Variants in MAPKAP1 observed in about 807,000 individuals in gnomAD.
MAPKAP1 encodes MAPK associated protein 1.
MAPKAP1 carries 20 observed loss-of-function variants against 65.7 expected under a neutral mutation model. The ratio of observed to expected loss-of-function variants is 0.30; its 90% CI spans 0.21 to 0.44. The LOEUF is 0.44. Among genes scored for constraint, MAPKAP1 ranks in the 20% least tolerant of loss-of-function variants. MAPKAP1 has a pLI of 1.00. For synonymous variants in MAPKAP1, 222 were observed against 244.3 expected (o/e 0.91, Z 0.85); for missense variants, 423 against 648.0 (o/e 0.65, Z 3.77).
Position 125,672,129 on chromosome 9 carries a change from A to G in MAPKAP1, c.259+187T>C, listed in dbSNP as rs879018507. On this transcript the variant is annotated intron_variant, in intron 2 of 11. Coordinates refer to ENST00000265960, the MANE Select transcript of MAPKAP1 (RefSeq NM_001006617.3). ...CTGTCTACTTCTAATAATATTCTAG[A>G]GGCCCTCTCCATTCGCAGTCGCAGA... Among the ~76,000 whole-genome samples the G allele has an allele frequency of 2.6e-5, 4 of 152,196 alleles. No homozygotes were observed. In the South Asian group the frequency reaches 8.3e-4, roughly 32 times the overall value.
intron 7 of MAPKAP1, among the ~76,000 whole-genome samples, chr9:125,525,450 G>T (rs754118804): frequency 5.3e-5 from 8 of 152,074 alleles, no homozygotes; most frequent in Non-Finnish European, 1.0e-4. Context: ...GAGGTGGGCA[G>T]ATCACCTGAG....
intron 9 of MAPKAP1, among the ~76,000 whole-genome samples, chr9:125,479,411 CTCT>C (rs1854224667): frequency 6.6e-6 from 1 of 152,120 alleles, no homozygotes; most frequent in African/African-American, 2.4e-5. Flanking sequence ...GAAACCCCGT[CTCT>C]ACTAAAAACA....
At chr9:125,629,780 A>T (rs539616329) in intron 4 of MAPKAP1, among the ~76,000 whole-genome samples, 1 of 152,292 alleles carries the variant, frequency 6.6e-6, no homozygotes, top group Admixed American at 6.5e-5. Flanking sequence ...TAACTGAAAA[A>T]TAAAAAAGAA....
Position 125,554,860 on chromosome 9 carries a change from G to C in MAPKAP1, c.848+4773C>G, listed in dbSNP as rs138455848. Among the ~76,000 whole-genome samples the C allele has an allele frequency of 2.2e-4, 33 of 151,088 alleles. 1 individual carries two copies. Among genetic ancestry groups the C allele is most frequent in the Middle Eastern group, 3.5e-3 (1 of 284 alleles). ...ACATTTAAAATTTATGTGTTTGTGTGGGGGGACACATTATAAATCAATTGG... is the reference window on the plus strand; with the variant it reads ...ACATTTAAAATTTATGTGTTTGTGTCGGGGGACACATTATAAATCAATTGG... On this transcript the variant is annotated intron_variant, in intron 6 of 11. Transcript: ENST00000265960.
intron 8 of MAPKAP1, 34 bp from the exon 9 acceptor site, chr9:125,484,617 T>C (rs1854431870): frequency 1.9e-6 from 3 of 1,576,248 alleles, no homozygotes; most frequent in African/African-American, 1.3e-5. Flanking sequence ...CACATAAAGA[T>C]ACATGAGGCT....
chr9:125,565,674 C>T (rs760673670), intron 5 of MAPKAP1: 1 of 405,470 alleles, frequency 2.5e-6, no homozygotes, highest in Non-Finnish European at 4.8e-6. Context: ...CAAAACCCCT[C>T]AGGAAAGTGA....
intron 1 of MAPKAP1, among the ~76,000 whole-genome samples, chr9:125,704,657 G>C (rs1835705094): frequency 6.6e-6 from 1 of 152,134 alleles, no homozygotes; most frequent in Non-Finnish European, 1.5e-5. Context: ...TCCCTTGCCT[G>C]GTACTCAAGC....
chr9:125,485,633 G>C (rs1010029044), intron 8 of MAPKAP1, among the ~76,000 whole-genome samples: 17 of 152,106 alleles, frequency 1.1e-4, no homozygotes, highest in African/African-American at 4.1e-4. Context: ...CCTTGGCCTA[G>C]AACAACCCTC....
At chr9:125,693,442 TAC>T (rs1321301850) in intron 1 of MAPKAP1, among the ~76,000 whole-genome samples, 2,004 of 141,386 alleles carry the variant, frequency 0.014, 41 homozygotes, top group African/African-American at 0.043. Context: ...TATATATATA[TAC>T]ACACACACAC....
intron 7 of MAPKAP1, among the ~76,000 whole-genome samples, chr9:125,529,504 A>G (rs1236368900): frequency 2.2e-3 from 8 of 3,666 alleles, no homozygotes; most frequent in African/African-American, 2.4e-3. Flanking sequence ...GTAGTGTGCC[A>G]AAAAAAAAAA....
chr9:125,475,945 C>T (rs114842757), intron 9 of MAPKAP1, among the ~76,000 whole-genome samples: 2,494 of 152,268 alleles, frequency 0.016, 44 homozygotes, highest in African/African-American at 0.038. Context: ...TCTGGATGAA[C>T]GCTCATGAAT....
chr9:125,448,825 T>C (rs1852820276), intron 10 of MAPKAP1, among the ~76,000 whole-genome samples: 1 of 152,070 alleles, frequency 6.6e-6, no homozygotes, highest in Admixed American at 6.5e-5. Context: ...GCCAACACTG[T>C]GAAACCCTGT....
At chr9:125,508,944 A>G (rs1829222307) in intron 7 of MAPKAP1, among the ~76,000 whole-genome samples, 1 of 152,216 alleles carries the variant, frequency 6.6e-6, no homozygotes, top group African/African-American at 2.4e-5. Flanking sequence ...GTGATGCTAC[A>G]AAAATATTTA....
intron 1 of MAPKAP1, among the ~76,000 whole-genome samples, chr9:125,699,213 T>G (rs1835523874): frequency 6.6e-6 from 1 of 152,152 alleles, no homozygotes. Context: ...ATACTAACTT[T>G]TTTTTTCTTT....
chr9:125,616,730 A>G lies in MAPKAP1; in HGVS notation c.499-31003T>C, dbSNP rs115552760. ...CTGACGCACTGCTGGAGGGGCACACATGGGAATAACCACTTTGTAAGACAG... is the reference window on the plus strand; with the variant it reads ...CTGACGCACTGCTGGAGGGGCACACGTGGGAATAACCACTTTGTAAGACAG... On this transcript the variant is annotated intron_variant, in intron 4 of 11. Coordinates refer to ENST00000265960, the MANE Select transcript of MAPKAP1 (RefSeq NM_001006617.3). 4.1e-3 allele frequency among the ~76,000 whole-genome samples: 626 copies of G among 152,280 alleles called. 6 individuals carry two copies. Among genetic ancestry groups the G allele is most frequent in the African/African-American group, 0.014 (601 of 41,548 alleles).
intron 5 of MAPKAP1, among the ~76,000 whole-genome samples, chr9:125,577,689 C>A (rs1831479776): frequency 1.6e-5 from 1 of 61,564 alleles, no homozygotes; most frequent in Admixed American, 1.5e-4. Flanking sequence ...GTGGGGGGGT[C>A]AGCCCCCCAC....
At chr9:125,532,110 C>T (rs1018644805) in intron 7 of MAPKAP1, among the ~76,000 whole-genome samples, 1 of 152,022 alleles carries the variant, frequency 6.6e-6, no homozygotes, top group Non-Finnish European at 1.5e-5. Context: ...GAAAAAAAAA[C>T]ATTGGGCTCA....
chr9:125,621,302 A>T (rs1256361799), intron 4 of MAPKAP1, among the ~76,000 whole-genome samples: 1 of 152,074 alleles, frequency 6.6e-6, no homozygotes, highest in African/African-American at 2.4e-5. Context: ...AACAAACCAC[A>T]AAAGTGCTAT....
At chr9:125,677,968 A>C (rs1419162790) in intron 1 of MAPKAP1, among the ~76,000 whole-genome samples, 1 of 152,110 alleles carries the variant, frequency 6.6e-6, no homozygotes, top group East Asian at 1.9e-4. Context: ...CCCAGGCTGA[A>C]GTGCAGAGGC....
Sources: allele counts gnomAD v4.1 joint callset (sites outside exome capture counted in the v4.1 genomes callset), GRCh38; gene constraint gnomAD v4.1.1; transcripts MANE v1.5; gene names NCBI Gene and HGNC (gene_info 2026-07-23, HGNC 2026-07-21).